Variants in BBS9 observed in about 807,000 individuals in gnomAD.
The protein encoded by BBS9 is protein PTHB1.
BBS9 carries 89 observed loss-of-function variants against 117.7 expected under a neutral mutation model. The observed-to-expected ratio is 0.76, with a 90% confidence interval of 0.64 to 0.90. BBS9 has a LOEUF of 0.90. BBS9 is among the 40% of genes least tolerant of loss of function. The probability of loss-of-function intolerance (pLI) is 0.00; values close to 1 mark genes in which losing one functional copy is unlikely to be tolerated. For missense variants in BBS9, 982 were observed against 1,042.2 expected (o/e 0.94, Z 0.80); for synonymous variants, 379 against 370.9 (o/e 1.02, Z -0.25).
At chr7:33,580,315 C>G (rs1021309175) in intron 21 of BBS9, among the ~76,000 whole-genome samples, 2 of 150,972 alleles carry the variant, frequency 1.3e-5, no homozygotes, top group South Asian at 4.2e-4. Flanking sequence ...GATGATCACT[C>G]GAGAAAAGAA....
At chr7:33,389,719 A>T (rs1256089043) in intron 19 of BBS9, among the ~76,000 whole-genome samples, 2 of 143,018 alleles carry the variant, frequency 1.4e-5, no homozygotes, top group African/African-American at 2.5e-5. Context: ...AAAAAAATTC[A>T]TGGTTATTTG....
At chr7:33,152,885 G>T in intron 3 of BBS9, 34 bp downstream of exon 3, 1 of 1,606,896 alleles carries the variant, frequency 6.2e-7, no homozygotes, top group Non-Finnish European at 8.5e-7. Context: ...TATTTTACTT[G>T]GAGTATGTCA....
chr7:33,196,410 A>G (rs1040276758), intron 5 of BBS9, among the ~76,000 whole-genome samples: 2 of 152,160 alleles, frequency 1.3e-5, no homozygotes, highest in African/African-American at 4.8e-5. Context: ...TGCCATCCAG[A>G]GAGTGAACTG....
intron 5 of BBS9, among the ~76,000 whole-genome samples, chr7:33,242,407 T>C (rs1351232413): frequency 6.6e-6 from 1 of 152,158 alleles, no homozygotes; most frequent in Middle Eastern, 3.2e-3. Flanking sequence ...TTTTTTCTCC[T>C]TTACTGTATC....
intron 19 of BBS9, among the ~76,000 whole-genome samples, chr7:33,420,687 C>A (rs1832728171): frequency 6.6e-6 from 1 of 152,058 alleles, no homozygotes; most frequent in African/African-American, 2.4e-5. Context: ...TCCATGGAAA[C>A]TTTTCCTGTG....
At chr7:33,341,645 C>T (rs543041159) in intron 11 of BBS9, among the ~76,000 whole-genome samples, 45 of 152,190 alleles carry the variant, frequency 3.0e-4, no homozygotes, top group African/African-American at 1.0e-3. Flanking sequence ...TAATAATCAA[C>T]ATCATCATAA....
At chr7:33,349,210 AATTTT>A (rs1818171456) in intron 13 of BBS9, 40 bp downstream of exon 13, 4 of 1,430,676 alleles carry the variant, frequency 2.8e-6, no homozygotes, top group Non-Finnish European at 3.9e-6. Context: ...CCATGGTGTG[AATTTT>A]TTAAAAATAC....
chr7:33,328,356 C>T (rs1813270404), intron 9 of BBS9, among the ~76,000 whole-genome samples: 1 of 152,210 alleles, frequency 6.6e-6, no homozygotes, highest in African/African-American at 2.4e-5. Flanking sequence ...GATTTTTATA[C>T]AGCAAGCCTC....
chr7:33,310,268 G>A (rs779214409), intron 9 of BBS9, among the ~76,000 whole-genome samples: 5 of 152,054 alleles, frequency 3.3e-5, no homozygotes, highest in Non-Finnish European at 5.9e-5. Context: ...TCGTCATGTA[G>A]TATTATTTTT....
chr7:33,143,440 GT>G (rs1011658128), intron 1 of BBS9, among the ~76,000 whole-genome samples: 3 of 151,468 alleles, frequency 2.0e-5, no homozygotes, highest in South Asian at 2.1e-4. Flanking sequence ...ATATATTTTT[GT>G]TTTTTTTGAT....
chr7:33,424,977 T>G (rs1833440698), intron 19 of BBS9, among the ~76,000 whole-genome samples: 1 of 152,186 alleles, frequency 6.6e-6, no homozygotes, highest in Non-Finnish European at 1.5e-5. Flanking sequence ...AAATGTTTAT[T>G]GACCTCTTCT....
chr7:33,390,557 A>C, intron 19 of BBS9: 6 of 962,132 alleles, frequency 6.2e-6, no homozygotes, highest in Non-Finnish European at 7.4e-6. Flanking sequence ...CTTGCCATTC[A>C]ATTTTATTAT....
intron 19 of BBS9, among the ~76,000 whole-genome samples, chr7:33,393,864 G>A (rs1331164918): frequency 6.6e-6 from 1 of 152,124 alleles, no homozygotes; most frequent in African/African-American, 2.4e-5. Flanking sequence ...GCTTCAAGGT[G>A]CATCATTAAT....
intron 9 of BBS9, among the ~76,000 whole-genome samples, chr7:33,283,495 C>T (rs1021764561): frequency 4.0e-5 from 6 of 151,882 alleles, no homozygotes; most frequent in Non-Finnish European, 7.4e-5. Context: ...TATTTATTCT[C>T]ATTTAAAAAA....
chr7:33,165,235 G>A (rs1242572137), intron 4 of BBS9, among the ~76,000 whole-genome samples: 1 of 152,164 alleles, frequency 6.6e-6, no homozygotes, highest in Non-Finnish European at 1.5e-5. Context: ...TGGGTAACCT[G>A]ACCTTTCTTT....
intron 20 of BBS9, among the ~76,000 whole-genome samples, chr7:33,506,753 C>A (rs1846206135): frequency 6.6e-6 from 1 of 151,962 alleles, no homozygotes; most frequent in African/African-American, 2.4e-5. Context: ...ATGTGCTAAC[C>A]AAACTATTAA....
chr7:33,632,591 T>C (rs3735418), intron 21 of BBS9, among the ~76,000 whole-genome samples: 41,758 of 151,890 alleles, frequency 0.27, 6,519 homozygotes, highest in East Asian at 0.43. Flanking sequence ...GTGTTTTCCC[T>C]GTCCCAGAAT....
intron 17 of BBS9, 47 bp downstream of exon 17, chr7:33,367,909 A>T (rs745484406): frequency 2.8e-6 from 4 of 1,433,510 alleles, no homozygotes; most frequent in African/African-American, 1.4e-5. Flanking sequence ...TTTTCTAAGG[A>T]TACCACATCA....
At chr7:33,406,943 G>A (rs1479168345) in intron 19 of BBS9, among the ~76,000 whole-genome samples, 1 of 152,114 alleles carries the variant, frequency 6.6e-6, no homozygotes, top group Non-Finnish European at 1.5e-5. Flanking sequence ...GAGTGTCTTT[G>A]TGGAATTCTC....
Sources: allele counts gnomAD v4.1 joint callset (sites outside exome capture counted in the v4.1 genomes callset), GRCh38; gene constraint gnomAD v4.1.1; transcripts MANE v1.5; gene names NCBI Gene and HGNC (gene_info 2026-07-23, HGNC 2026-07-21).